Variants in CIMIP4 observed in about 807,000 individuals in gnomAD.
CIMIP4 encodes the protein ciliary microtubule inner protein 4, also known as protein EAN57.
chr22:36,995,186 G>A, the CIMIP4 span, among the ~76,000 whole-genome samples: 1 of 152,168 alleles, frequency 6.6e-6, no homozygotes, highest in Non-Finnish European at 1.5e-5. Context: ...TTGGTAAGCT[G>A]GTTCAGGGAT....
chr22:36,999,392 T>C, the CIMIP4 span, among the ~76,000 whole-genome samples: 1 of 147,376 alleles, frequency 6.8e-6, no homozygotes, highest in Non-Finnish European at 1.5e-5. Flanking sequence ...GGGGGGTAGC[T>C]GAGGTGGGAG....
the CIMIP4 span, among the ~76,000 whole-genome samples, chr22:37,005,866 T>C: frequency 6.6e-6 from 1 of 152,236 alleles, no homozygotes; most frequent in African/African-American, 2.4e-5. Context: ...TTCTGAAGTC[T>C]CATCCTTTCC....
chr22:37,005,277 C>A, the CIMIP4 span, among the ~76,000 whole-genome samples: 21 of 152,106 alleles, frequency 1.4e-4, no homozygotes, highest in Non-Finnish European at 2.2e-4. Context: ...CTGTGGGATA[C>A]CCTGGGCCAG....
At chr22:36,991,571 T>C in the CIMIP4 span, 9 of 1,614,102 alleles carry the variant, frequency 5.6e-6, no homozygotes, top group Non-Finnish European at 7.6e-6. Context: ...TTCATGAGGC[T>C]CTTTGTCTCC....
chr22:37,001,755 G>A, the CIMIP4 span: 1 of 1,342,868 alleles, frequency 7.4e-7, no homozygotes, highest in Non-Finnish European at 1.0e-6. Context: ...TATTATTATA[G>A]GGACTCTGTA....
chr22:36,995,676 A>G, the CIMIP4 span, among the ~76,000 whole-genome samples: 1 of 152,258 alleles, frequency 6.6e-6, no homozygotes, highest in East Asian at 1.9e-4. Context: ...GTAGTGAATA[A>G]ATTTCATGAG....
the CIMIP4 span, among the ~76,000 whole-genome samples, chr22:37,001,254 C>G: frequency 6.6e-6 from 1 of 151,274 alleles, no homozygotes; most frequent in Admixed American, 6.6e-5. Flanking sequence ...GGTTGTGATA[C>G]GCTCACCATG....
At chr22:36,995,792 C>T in the CIMIP4 span, among the ~76,000 whole-genome samples, 9 of 152,152 alleles carry the variant, frequency 5.9e-5, no homozygotes, top group African/African-American at 2.2e-4. Context: ...TGTGAGGCCT[C>T]CCCAGCTACA....
the CIMIP4 span, chr22:36,991,646 T>C: frequency 1.4e-6 from 2 of 1,409,136 alleles, no homozygotes; most frequent in African/African-American, 1.4e-5. Flanking sequence ...AGTCGGGTAC[T>C]CCATGGCTTA....
the CIMIP4 span, among the ~76,000 whole-genome samples, chr22:37,004,568 G>A: frequency 1.3e-5 from 2 of 152,188 alleles, no homozygotes. Flanking sequence ...CCAAGAGCAG[G>A]AACCCACACT....
the CIMIP4 span, among the ~76,000 whole-genome samples, chr22:36,992,680 G>A: frequency 6.6e-6 from 1 of 152,008 alleles, no homozygotes; most frequent in Non-Finnish European, 1.5e-5. Context: ...TTTTCCATAA[G>A]CTTGAAAATT....
the CIMIP4 span, among the ~76,000 whole-genome samples, chr22:36,993,845 A>T: frequency 3.6e-3 from 553 of 152,358 alleles, 3 homozygotes; most frequent in African/African-American, 0.013. Context: ...TGAACGAATT[A>T]AACCCATTCG....
the CIMIP4 span, among the ~76,000 whole-genome samples, chr22:37,007,095 G>T: frequency 1.2e-4 from 19 of 152,126 alleles, no homozygotes; most frequent in Admixed American, 3.3e-4. Context: ...CACCTTGATT[G>T]CAGCCTGTGA....
At chr22:37,005,545 C>T in the CIMIP4 span, among the ~76,000 whole-genome samples, 1 of 127,142 alleles carries the variant, frequency 7.9e-6, no homozygotes, top group Non-Finnish European at 1.6e-5. Context: ...CCTAAATCAC[C>T]TTAAACAGTT....
At chr22:37,002,422 G>T in the CIMIP4 span, 12 of 626,170 alleles carry the variant, frequency 1.9e-5, no homozygotes, top group Admixed American at 3.8e-5. Context: ...CAGACAAAGA[G>T]CCCCAGAGCT....
At chr22:36,998,340 C>T in the CIMIP4 span, among the ~76,000 whole-genome samples, 2 of 152,094 alleles carry the variant, frequency 1.3e-5, no homozygotes, top group Non-Finnish European at 2.9e-5. Context: ...AGAAAGGCTT[C>T]CAGTGGGCAC....
chr22:37,000,081 C>T, the CIMIP4 span: 3 of 1,447,128 alleles, frequency 2.1e-6, no homozygotes, highest in South Asian at 2.8e-5. Flanking sequence ...CTGCCCTCCC[C>T]ACCCCGATCC....
the CIMIP4 span, among the ~76,000 whole-genome samples, chr22:36,996,354 AAAAC>A: frequency 6.6e-6 from 1 of 152,118 alleles, no homozygotes; most frequent in Non-Finnish European, 1.5e-5. Flanking sequence ...TTAATATACA[AAAAC>A]AAAAATTGCA....
At chr22:36,993,010 T>C in the CIMIP4 span, among the ~76,000 whole-genome samples, 1 of 141,818 alleles carries the variant, frequency 7.1e-6, no homozygotes, top group Non-Finnish European at 1.5e-5. Flanking sequence ...TTAAAGTTTT[T>C]TTTTTCTTTT....
Sources: gnomAD v4.1 joint callset for allele counts (sites outside exome capture counted in the v4.1 genomes callset) on GRCh38, gnomAD v4.1.1 for gene constraint, MANE v1.5 for transcripts, NCBI Gene and HGNC (gene_info 2026-07-23, HGNC 2026-07-21) for gene names.